Variants in GBE1 observed in about 807,000 individuals in gnomAD.
GBE1 encodes 1,4-alpha-glucan-branching enzyme.
A neutral mutation model predicts 88.8 loss-of-function variants in GBE1; 70 were observed. The observed-to-expected ratio is 0.79, with a 90% CI of 0.65 to 0.96. The LOEUF is 0.96. Among genes scored for constraint, GBE1 ranks in the 40% least tolerant of loss-of-function variants. The pLI, the probability that GBE1 is intolerant of heterozygous loss-of-function variation, is 0.00. For synonymous variants in GBE1, 284 were observed against 300.1 expected (o/e 0.95, Z 0.56); for missense variants, 872 against 871.0 (o/e 1.00, Z -0.01).
intron 5 of GBE1, 41 bp downstream of exon 5, chr3:81,648,815 A>C: frequency 8.0e-7 from 1 of 1,255,102 alleles, no homozygotes; most frequent in Non-Finnish European, 1.1e-6. Context: ...GAACAGACTC[A>C]TTAAAATTTT....
intron 3 of GBE1, among the ~76,000 whole-genome samples, chr3:81,656,567 T>C (rs1193497839): frequency 1.3e-5 from 2 of 152,176 alleles, no homozygotes; most frequent in East Asian, 3.9e-4. Flanking sequence ...AGGAAACTAA[T>C]ACAGCCAATA....
At chr3:81,517,879 G>A (rs1342304738) in intron 14 of GBE1, among the ~76,000 whole-genome samples, 1 of 151,196 alleles carries the variant, frequency 6.6e-6, no homozygotes, top group Non-Finnish European at 1.5e-5. Context: ...CCATCTGTCA[G>A]TCAGTCTATC....
intron 10 of GBE1, among the ~76,000 whole-genome samples, chr3:81,582,643 C>T (rs952239156): frequency 4.0e-5 from 6 of 151,812 alleles, no homozygotes; most frequent in African/African-American, 7.3e-5. Flanking sequence ...GGAAGGTGGG[C>T]GGATGTTTCA....
chr3:81,583,342 T>C (rs563725889), intron 10 of GBE1, among the ~76,000 whole-genome samples: 12 of 152,268 alleles, frequency 7.9e-5, no homozygotes, highest in African/African-American at 2.6e-4. Context: ...AGGGAATTAC[T>C]GTATGGTTCA....
chr3:81,743,584 C>G (rs76552912), intron 1 of GBE1: 1 of 1,534,790 alleles, frequency 6.5e-7, no homozygotes, highest in East Asian at 2.4e-5. Context: ...CATGGGACAA[C>G]GAAGTTAGAA....
At chr3:81,494,108 T>C (rs150453414) in intron 15 of GBE1, among the ~76,000 whole-genome samples, 1 of 152,224 alleles carries the variant, frequency 6.6e-6, no homozygotes, top group East Asian at 1.9e-4. Flanking sequence ...TTCACTGCAG[T>C]GTTAATTACC....
intron 8 of GBE1, among the ~76,000 whole-genome samples, chr3:81,591,912 A>C (rs560289334): frequency 1.3e-5 from 2 of 152,168 alleles, no homozygotes; most frequent in African/African-American, 4.8e-5. Flanking sequence ...TAATTATGGA[A>C]GTCTTATACT....
intron 10 of GBE1, among the ~76,000 whole-genome samples, chr3:81,584,869 T>G (rs370190139): frequency 4.8e-4 from 73 of 151,890 alleles, no homozygotes; most frequent in African/African-American, 1.7e-3. Flanking sequence ...CATTATTGAA[T>G]GTGAACAAAG....
At chr3:81,731,992 A>G (rs886985577) in intron 1 of GBE1, among the ~76,000 whole-genome samples, 3 of 152,192 alleles carry the variant, frequency 2.0e-5, no homozygotes, top group African/African-American at 7.2e-5. Flanking sequence ...ATTATTATAC[A>G]AAAACTATTG....
intron 2 of GBE1, among the ~76,000 whole-genome samples, chr3:81,676,993 C>G (rs1342691899): frequency 6.6e-6 from 1 of 152,196 alleles, no homozygotes; most frequent in Non-Finnish European, 1.5e-5. Flanking sequence ...ACCCAACAAC[C>G]TTTCCTTTTC....
chr3:81,506,932 G>A (rs1385977508), intron 14 of GBE1, among the ~76,000 whole-genome samples: 2 of 152,090 alleles, frequency 1.3e-5, no homozygotes, highest in African/African-American at 2.4e-5. Context: ...GAGGGTGGGA[G>A]GAGGGAAGAG....
chr3:81,558,400 CATCT>C (rs569502042), intron 12 of GBE1, among the ~76,000 whole-genome samples: 48 of 151,952 alleles, frequency 3.2e-4, no homozygotes, highest in East Asian at 9.7e-4. Context: ...AAATATATAT[CATCT>C]ATCTATCTAT....
intron 12 of GBE1, among the ~76,000 whole-genome samples, chr3:81,572,924 C>T (rs955597016): frequency 2.6e-5 from 4 of 152,278 alleles, no homozygotes; most frequent in African/African-American, 9.6e-5. Context: ...TCTACTCCCT[C>T]TGCCTCAGCT....
chr3:81,632,464 C>G (rs1190684039), intron 7 of GBE1, among the ~76,000 whole-genome samples: 2 of 152,168 alleles, frequency 1.3e-5, no homozygotes, highest in Non-Finnish European at 2.9e-5. Context: ...AAAAGCTCAT[C>G]ATCACTGGTC....
chr3:81,741,141 G>A (rs770997174), intron 1 of GBE1, among the ~76,000 whole-genome samples: 17 of 151,962 alleles, frequency 1.1e-4, no homozygotes, highest in African/African-American at 2.9e-4. Flanking sequence ...TAACAATACC[G>A]TCTATATAAA....
chr3:81,604,255 C>T (rs1426113002), intron 7 of GBE1, among the ~76,000 whole-genome samples: 1 of 148,822 alleles, frequency 6.7e-6, no homozygotes, highest in Non-Finnish European at 1.5e-5. Context: ...AAGACATTCA[C>T]ATAAAATATT....
At chr3:81,495,218 G>A (rs1379257844) in intron 15 of GBE1, among the ~76,000 whole-genome samples, 4 of 151,982 alleles carry the variant, frequency 2.6e-5, no homozygotes, top group Non-Finnish European at 5.9e-5. Flanking sequence ...ATGAAACCTC[G>A]TCTCTACTAA....
Position 81,642,772 on chromosome 3 carries a change from T to G in GBE1, c.992+9A>C. 6.5e-7 allele frequency: 1 copy of G among 1,541,034 alleles called. No homozygotes were observed. The highest frequency in any genetic ancestry group is 2.2e-5 in the East Asian group (1 of 44,512). On this transcript the variant is annotated intron_variant, in intron 7 of 15. Coordinates refer to ENST00000429644, the MANE Select transcript of GBE1 (RefSeq NM_000158.4). ...CAATAGAAAACATTTCTATATTGTA[T>G]GTACCTACCTGGAGTAGGCAAACAA...
At chr3:81,705,671 T>C (rs987689345) in intron 1 of GBE1, 58 bp from the exon 2 acceptor site, 2 of 1,182,646 alleles carry the variant, frequency 1.7e-6, no homozygotes, top group African/African-American at 3.2e-5. Flanking sequence ...CTAGAAAAGC[T>C]ACTGTAATTA....
Sources: allele counts gnomAD v4.1 joint callset (sites outside exome capture counted in the v4.1 genomes callset), GRCh38; gene constraint gnomAD v4.1.1; transcripts MANE v1.5; gene names NCBI Gene and HGNC (gene_info 2026-07-23, HGNC 2026-07-21).